Variants in EXOC6 observed in about 807,000 individuals in gnomAD.
The protein encoded by EXOC6 is exocyst complex component 6.
Under a neutral mutation model 112.5 loss-of-function variants are expected in EXOC6, and 60 were observed. The observed-to-expected ratio is 0.53, with a 90% confidence interval of 0.43 to 0.66. The LOEUF is 0.66. Ranked by LOEUF, EXOC6 falls within the 30% of genes least tolerant of loss-of-function variation. The pLI, the probability that EXOC6 is intolerant of heterozygous loss-of-function variation, is 0.00. For missense variants in EXOC6, 855 were observed against 957.1 expected (o/e 0.89, Z 1.41); for synonymous variants, 295 against 308.0 (o/e 0.96, Z 0.44).
intron 20 of EXOC6, among the ~76,000 whole-genome samples, chr10:93,024,160 A>G (rs1307649822): frequency 6.6e-6 from 1 of 152,180 alleles, no homozygotes; most frequent in Non-Finnish European, 1.5e-5. Context: ...TCATTATTTC[A>G]TTTGATCGTA....
intron 8 of EXOC6, among the ~76,000 whole-genome samples, chr10:92,924,579 A>G (rs1851607440): frequency 6.6e-6 from 1 of 152,234 alleles, no homozygotes; most frequent in Non-Finnish European, 1.5e-5. Flanking sequence ...CTTTTGTTAA[A>G]CACCCAGAAA....
At chr10:92,985,447 C>A (rs542401572) in intron 18 of EXOC6, among the ~76,000 whole-genome samples, 1 of 152,080 alleles carries the variant, frequency 6.6e-6, no homozygotes, top group Non-Finnish European at 1.5e-5. Flanking sequence ...CCCACATACA[C>A]CTTCATTTTT....
chr10:92,927,743 C>T (rs1851805445), intron 8 of EXOC6, among the ~76,000 whole-genome samples: 1 of 152,022 alleles, frequency 6.6e-6, no homozygotes, highest in Admixed American at 6.6e-5. Context: ...TATGAGAGAA[C>T]AGAAAATAAC....
upstream of EXOC6, among the ~76,000 whole-genome samples, chr10:92,830,301 G>A (rs1234884334): frequency 6.6e-6 from 1 of 152,142 alleles, no homozygotes; most frequent in Non-Finnish European, 1.5e-5. Flanking sequence ...AGTGAGAAAG[G>A]TGAGCGACTG....
In EXOC6 at chr10:93,040,591, A is replaced by G. The variant is rs557681078; in HGVS notation, c.2170-16333A>G. ...CCTAAAAACATTTTAGCTATTTCCAATTTCTCTTCCCTCATTTGCATCCTT... is the reference window on the plus strand; with the variant it reads ...CCTAAAAACATTTTAGCTATTTCCAGTTTCTCTTCCCTCATTTGCATCCTT... On this transcript the variant is annotated intron_variant, in intron 20 of 21. Transcript: ENST00000260762. Among the ~76,000 whole-genome samples, 95 of 152,138 alleles carry G rather than the reference A, an allele frequency of 6.2e-4. 1 individual carries two copies. The highest frequency in any genetic ancestry group is 2.2e-3 in the African/African-American group (91 of 41,528).
chr10:93,000,077 C>G (rs933627288), intron 19 of EXOC6, among the ~76,000 whole-genome samples: 3 of 152,094 alleles, frequency 2.0e-5, no homozygotes, highest in South Asian at 2.1e-4. Context: ...ATTAATATAA[C>G]GTTCATTACT....
At chr10:92,836,002 T>C (rs1231519814) in intron 1 of EXOC6, among the ~76,000 whole-genome samples, 1 of 152,228 alleles carries the variant, frequency 6.6e-6, no homozygotes, top group Non-Finnish European at 1.5e-5. Context: ...ACCATTGCCT[T>C]CTAAAACTTG....
rs926607987 is a variant in EXOC6 at position 92,973,479 on chromosome 10, A to T, written c.1774-574A>T. 5.3e-5 allele frequency among the ~76,000 whole-genome samples: 8 copies of T among 152,184 alleles called. No individual in the cohort carries two copies. The East Asian group carries it at 1.5e-3, about 29-fold the overall frequency. On this transcript the variant is annotated intron_variant, in intron 17 of 21. Transcript: ENST00000260762. ...AAAAGGTTGATTTTGACAATTTTTG[A>T]TAAGTTTTCTGGTTACTTTTATGGA...
At chr10:93,037,479 G>T (rs529827700) in intron 20 of EXOC6, among the ~76,000 whole-genome samples, 1 of 147,372 alleles carries the variant, frequency 6.8e-6, no homozygotes, top group African/African-American at 2.5e-5. Flanking sequence ...CTCTCTTGTT[G>T]CCTAGGCTGG....
At chr10:92,847,203 G>T (rs959070503), upstream of EXOC6, among the ~76,000 whole-genome samples, 1 of 152,194 alleles carries the variant, frequency 6.6e-6, no homozygotes, top group Admixed American at 6.5e-5. Context: ...GTGGTGATTT[G>T]TTAAAGCAAC....
intron 1 of EXOC6, among the ~76,000 whole-genome samples, chr10:92,869,938 TG>T (rs1311736407): frequency 4.7e-5 from 7 of 148,056 alleles, no homozygotes; most frequent in African/African-American, 1.7e-4. Flanking sequence ...AGGATAGCTC[TG>T]GCTTGTGGGC....
At chr10:93,038,012 C>T (rs1845592375) in intron 20 of EXOC6, among the ~76,000 whole-genome samples, 1 of 141,214 alleles carries the variant, frequency 7.1e-6, no homozygotes, top group East Asian at 2.0e-4. Context: ...TGCACTCCAG[C>T]CTGGGCTACA....
intron 5 of EXOC6, chr10:92,899,871 T>A: frequency 4.7e-6 from 2 of 425,308 alleles, no homozygotes; most frequent in East Asian, 3.9e-5. Flanking sequence ...GTAATGTTGA[T>A]CAAGTACAAA....
chr10:92,843,610 G>A (rs1846939063), upstream of EXOC6, among the ~76,000 whole-genome samples: 1 of 152,172 alleles, frequency 6.6e-6, no homozygotes, highest in South Asian at 2.1e-4. Flanking sequence ...AGCACTTTGG[G>A]AGGCCGAGGC....
chr10:92,835,580 A>ATG (rs1286292696), intron 1 of EXOC6, among the ~76,000 whole-genome samples: 3 of 145,044 alleles, frequency 2.1e-5, no homozygotes, highest in Admixed American at 6.9e-5. Context: ...GTGGAAGGAT[A>ATG]TGTGTGTGTG....
In EXOC6 at chr10:92,941,636, G is replaced by A. The variant is rs180886243; in HGVS notation, c.1310+812G>A. On this transcript the variant is annotated intron_variant, in intron 13 of 21. Coordinates refer to ENST00000260762, the MANE Select transcript of EXOC6 (RefSeq NM_019053.6). ...GACTATAAGTATTCAAAGATATTTT[G>A]TATTAGAGACAGAAATTTACAGCTT... Among the ~76,000 whole-genome samples, 1,420 of 152,120 alleles carry A rather than the reference G, an allele frequency of 9.3e-3. 10 individuals are homozygous for A. The highest frequency in any genetic ancestry group is 0.014 in the Non-Finnish European group (961 of 67,990).
At chr10:92,904,017 A>T (rs1218066932) in intron 5 of EXOC6, among the ~76,000 whole-genome samples, 1 of 152,018 alleles carries the variant, frequency 6.6e-6, no homozygotes, top group Non-Finnish European at 1.5e-5. Flanking sequence ...CTATAGTTTT[A>T]TCTTTTCCAG....
chr10:92,915,883 A>C lies in EXOC6; in HGVS notation c.789A>C (p.Ser263=), dbSNP rs1280132511. The change falls in exon 7 of 22, where the codon TCA becomes TCC. Residue 263 remains serine (S), a synonymous_variant. Coordinates refer to ENST00000260762, the MANE Select transcript of EXOC6 (RefSeq NM_019053.6). The part of the protein sequence containing the change: ...EERNETVLKH[S]LEEEDENEEE... ...GGAATGAAACTGTATTGAAACATTC[A>C]CTTGAAGAAGAGGATGAGAATGAAG... is the stretch of plus-strand genomic sequence containing the variant. The C allele has an allele frequency of 1.6e-5, 25 of 1,545,488 alleles. No individual in the cohort carries two copies. Among genetic ancestry groups the C allele is most frequent in the Non-Finnish European group, 2.2e-5 (25 of 1,156,574 alleles).
intron 8 of EXOC6, among the ~76,000 whole-genome samples, chr10:92,922,472 G>C (rs1851499888): frequency 6.6e-6 from 1 of 152,162 alleles, no homozygotes; most frequent in African/African-American, 2.4e-5. Context: ...AAATGTTAAA[G>C]GGGTTATTAT....
Sources: gnomAD v4.1 joint callset for allele counts (sites outside exome capture counted in the v4.1 genomes callset) on GRCh38, gnomAD v4.1.1 for gene constraint, MANE v1.5 for transcripts, NCBI Gene and HGNC (gene_info 2026-07-23, HGNC 2026-07-21) for gene names.